EHF: variants seen among roughly 807,000 people sequenced by gnomAD.
EHF encodes ETS homologous factor, also known as ESE3 transcription factor.
EHF carries 14 observed loss-of-function variants against 45.1 expected under a neutral mutation model. That is an observed-to-expected ratio of 0.31 (90% CI 0.21 to 0.49). The LOEUF (loss-of-function observed/expected upper bound fraction) is 0.49. Among genes scored for constraint, EHF ranks in the 20% least tolerant of loss-of-function variants. EHF has a pLI of 0.99. For missense variants in EHF, 282 were observed against 371.4 expected (o/e 0.76, Z 1.98); for synonymous variants, 136 against 131.8 (o/e 1.03, Z -0.22).
chr11:34,626,866 T>C (rs1852417520), intron 1 of EHF, among the ~76,000 whole-genome samples: 2 of 152,240 alleles, frequency 1.3e-5, no homozygotes. Flanking sequence ...TGAATGACTT[T>C]GAGTGAGTTA....
At chr11:34,627,504 G>A (rs1283137447) in intron 1 of EHF, among the ~76,000 whole-genome samples, 2 of 152,096 alleles carry the variant, frequency 1.3e-5, no homozygotes, top group Admixed American at 1.3e-4. Context: ...GACCACTGAT[G>A]CTGAGGTCAT....
intron 6 of EHF, 35 bp downstream of exon 6, chr11:34,651,840 T>TA: frequency 2.5e-6 from 4 of 1,590,966 alleles, no homozygotes; most frequent in Non-Finnish European, 3.4e-6. Context: ...TGGGTATGCC[T>TA]AATGCTTAGG....
Position 34,639,886 on chromosome 11 carries a change from T to C in EHF, c.-3-2742T>C, listed in dbSNP as rs542544098. ...CACCCTGTAGTCTTAAAGGCATCTC[T>C]GGGGGTTGGGAGAAGTTCTGGATGT... is the stretch of plus-strand genomic sequence containing the variant. On this transcript the variant is annotated intron_variant, in intron 1 of 8. Coordinates refer to ENST00000257831, the MANE Select transcript of EHF (RefSeq NM_012153.6). 2.0e-5 allele frequency among the ~76,000 whole-genome samples: 3 copies of C among 152,230 alleles called. No individual in the cohort carries two copies. In the South Asian group the frequency reaches 6.2e-4, roughly 32 times the overall value.
chr11:34,648,949 G>A, intron 3 of EHF, 70 bp from the exon 4 acceptor site: 1 of 1,462,930 alleles, frequency 6.8e-7, no homozygotes, highest in African/African-American at 1.4e-5. Context: ...TGCCAGTTCT[G>A]TCCTTATTTA....
intron 1 of EHF, chr11:34,622,491 C>T: frequency 2.2e-6 from 2 of 899,098 alleles, no homozygotes; most frequent in Non-Finnish European, 1.5e-6. Context: ...GTTAATTCCA[C>T]TGGGGTCAGG....
intron 3 of EHF, among the ~76,000 whole-genome samples, chr11:34,647,934 C>G (rs1470145430): frequency 6.6e-6 from 1 of 152,200 alleles, no homozygotes; most frequent in African/African-American, 2.4e-5. Flanking sequence ...TACCTCCACC[C>G]CCCAATTAAA....
chr11:34,646,979 G>A, intron 3 of EHF: 2 of 408,204 alleles, frequency 4.9e-6, no homozygotes, highest in Admixed American at 4.1e-5. Context: ...ACTATCCTTG[G>A]AAAATGTTTT....
At chr11:34,621,555 C>T (rs1317185907) in intron 1 of EHF, among the ~76,000 whole-genome samples, 1 of 152,170 alleles carries the variant, frequency 6.6e-6, no homozygotes, top group East Asian at 1.9e-4. Context: ...AACAAATAGG[C>T]AGCTAGAGAT....
At chr11:34,624,966 T>C (rs1440664651) in intron 1 of EHF, among the ~76,000 whole-genome samples, 1 of 152,150 alleles carries the variant, frequency 6.6e-6, no homozygotes, top group Non-Finnish European at 1.5e-5. Flanking sequence ...CAAAAGGGTT[T>C]GAACCTGACC....
intron 1 of EHF, among the ~76,000 whole-genome samples, chr11:34,623,813 C>G (rs1229381379): frequency 6.6e-6 from 1 of 152,194 alleles, no homozygotes; most frequent in Non-Finnish European, 1.5e-5. Context: ...GATTTGAGCA[C>G]TGGGTTGTGA....
In EHF at chr11:34,661,546, C is replaced by T. The variant is rs1437762051; in HGVS notation, c.*2615C>T. 1.3e-5 allele frequency among the ~76,000 whole-genome samples: 2 copies of T among 152,086 alleles called. No homozygotes were observed. Among genetic ancestry groups the T allele is most frequent in the Non-Finnish European group, 2.9e-5 (2 of 68,014 alleles). On this transcript the variant is annotated 3_prime_UTR_variant, in exon 9 of 9. Coordinates refer to ENST00000257831, the MANE Select transcript of EHF (RefSeq NM_012153.6). ...AGTGAAGGTTTCTTGGCATCTGGTG[C>T]CTGATTAAGGCTTGAGTATTAAGTT...
intron 2 of EHF, among the ~76,000 whole-genome samples, chr11:34,644,550 T>C (rs1168979439): frequency 6.6e-6 from 1 of 152,056 alleles, no homozygotes; most frequent in East Asian, 1.9e-4. Flanking sequence ...ATACTGTGAG[T>C]GGTGGGTATT....
At chr11:34,629,341 G>C (rs1186206861) in intron 1 of EHF, among the ~76,000 whole-genome samples, 1 of 152,168 alleles carries the variant, frequency 6.6e-6, no homozygotes, top group East Asian at 1.9e-4. Context: ...ACGTAAACCA[G>C]TGAGCCAGGA....
intron 6 of EHF, among the ~76,000 whole-genome samples, chr11:34,653,638 G>A (rs1276036212): frequency 1.3e-5 from 2 of 152,144 alleles, no homozygotes; most frequent in Non-Finnish European, 2.9e-5. Flanking sequence ...TGGGGTTGGT[G>A]TATTCATTGG....
chr11:34,642,505 C>T (rs972596170), intron 1 of EHF, 123 bp from the exon 2 acceptor site: 1 of 621,122 alleles, frequency 1.6e-6, no homozygotes, highest in Non-Finnish European at 2.9e-6. Flanking sequence ...CAATGGGTGG[C>T]AGGCAATGGG....
At chr11:34,631,230 C>A (rs1852861774) in intron 1 of EHF, among the ~76,000 whole-genome samples, 2 of 152,048 alleles carry the variant, frequency 1.3e-5, no homozygotes, top group African/African-American at 4.8e-5. Context: ...CGGGGTTTCA[C>A]CATATTAACT....
rs1856003198 is a variant in EHF at position 34,660,290 on chromosome 11, A to C, written c.*1359A>C. The C allele has an allele frequency of 6.6e-6, 1 of 152,152 alleles. No homozygotes were observed. Among genetic ancestry groups the C allele is most frequent in the Non-Finnish European group, 1.5e-5 (1 of 68,018 alleles). The allele number at this position is 152,152 out of a possible 1,614,324, so 9.4% of individuals were successfully genotyped here. A position where few individuals can be genotyped will look rare whatever the true frequency, so the allele number is the denominator to read the frequency against. ...GAATTAAAATTATATTGTAGAAGGA[A>C]ACACCAAGAAAAGAATTTCCAGGGA... On this transcript the variant is annotated 3_prime_UTR_variant, in exon 9 of 9. Transcript: ENST00000257831.
rs766268838 is a variant in EHF, at chr11:34,649,094, G to A, written c.406+13G>A. On this transcript the variant is annotated intron_variant, in intron 4 of 8. Coordinates refer to ENST00000257831, the MANE Select transcript of EHF (RefSeq NM_012153.6). ...ACTGAACAAACTGGTGAGTAGTAGT[G>A]GACAAAGGGAGCCAACCTAGCCTGG... The A allele has an allele frequency of 2.1e-5, 34 of 1,613,310 alleles. No homozygotes were observed. The highest frequency in any genetic ancestry group is 2.9e-5 in the Non-Finnish European group (34 of 1,179,742).
intron 1 of EHF, chr11:34,632,400 G>A: frequency 1.5e-6 from 2 of 1,346,394 alleles, no homozygotes; most frequent in Non-Finnish European, 2.0e-6. Context: ...TTAACAACCT[G>A]CTCCTGACCC....
Sources: gnomAD v4.1 joint callset for allele counts (sites outside exome capture counted in the v4.1 genomes callset) on GRCh38, gnomAD v4.1.1 for gene constraint, MANE v1.5 for transcripts, NCBI Gene and HGNC (gene_info 2026-07-23, HGNC 2026-07-21) for gene names.